Variants in GPHN observed in about 807,000 individuals in gnomAD.
GPHN encodes the protein gephyrin.
Under a neutral mutation model 95.5 loss-of-function variants are expected in GPHN, and 17 were observed. The observed-to-expected ratio is 0.18, with a 90% confidence interval of 0.12 to 0.27. The LOEUF is 0.27. GPHN is among the 10% of genes least tolerant of loss of function. GPHN has a pLI of 1.00. For missense variants in GPHN, 660 were observed against 978.1 expected (o/e 0.67, Z 4.34); for synonymous variants, 320 against 322.5 (o/e 0.99, Z 0.08).
At chr14:66,546,642 C>T (rs934089908) in intron 1 of GPHN, among the ~76,000 whole-genome samples, 6 of 152,076 alleles carry the variant, frequency 3.9e-5, no homozygotes, top group South Asian at 2.1e-4. Context: ...CGTGGCGGCG[C>T]GTGCCTGCAA....
At chr14:67,373,932 A>T in the GPHN span, among the ~76,000 whole-genome samples, 2 of 151,822 alleles carry the variant, frequency 1.3e-5, no homozygotes, top group Non-Finnish European at 2.9e-5. Context: ...GAATTTTCCT[A>T]TTCTGGAGAA....
At chr14:67,363,687 A>G in the GPHN span, among the ~76,000 whole-genome samples, 13 of 152,160 alleles carry the variant, frequency 8.5e-5, no homozygotes, top group Non-Finnish European at 4.4e-5. Flanking sequence ...GAGATAGGCA[A>G]TGGCCAGATC....
chr14:67,558,627 A>G, the GPHN span, among the ~76,000 whole-genome samples: 1 of 152,226 alleles, frequency 6.6e-6, no homozygotes, highest in Non-Finnish European at 1.5e-5. Context: ...CAGTAGGTCA[A>G]TCTCATAAAA....
At chr14:66,522,099 C>T (rs2058507552) in intron 1 of GPHN, among the ~76,000 whole-genome samples, 1 of 152,002 alleles carries the variant, frequency 6.6e-6, no homozygotes, top group Non-Finnish European at 1.5e-5. Context: ...AAACCTAGGC[C>T]CCTGTGATGT....
intron 2 of GPHN, among the ~76,000 whole-genome samples, chr14:66,703,653 G>A (rs976507878): frequency 5.4e-5 from 5 of 93,190 alleles, no homozygotes; most frequent in African/African-American, 9.3e-5. Context: ...AATACGGAAA[G>A]GAAAAACCGG....
At chr14:66,954,838 A>T in intron 8 of GPHN, among the ~76,000 whole-genome samples, 1 of 152,304 alleles carries the variant, frequency 6.6e-6, no homozygotes, top group East Asian at 1.9e-4. Context: ...ATTGCATCAA[A>T]TGTTTGTTCT....
chr14:67,384,605 C>G, the GPHN span: 1 of 152,082 alleles, frequency 6.6e-6, no homozygotes, highest in African/African-American at 2.4e-5. Flanking sequence ...TAGATTAGAC[C>G]TAACCCACCA....
At chr14:66,771,469 A>G (rs971978880) in intron 2 of GPHN, among the ~76,000 whole-genome samples, 25 of 152,224 alleles carry the variant, frequency 1.6e-4, no homozygotes, top group African/African-American at 6.0e-4. Context: ...CAGTTACCGC[A>G]CTGGCACAAG....
At chr14:67,469,607 C>G in the GPHN span, among the ~76,000 whole-genome samples, 1 of 151,920 alleles carries the variant, frequency 6.6e-6, no homozygotes, top group Non-Finnish European at 1.5e-5. Flanking sequence ...CTTCTGAACC[C>G]TCCATCCTCT....
At chr14:66,803,603 A>C (rs932680321) in intron 3 of GPHN, among the ~76,000 whole-genome samples, 5 of 151,944 alleles carry the variant, frequency 3.3e-5, no homozygotes, top group Admixed American at 1.3e-4. Flanking sequence ...ACTTCTTCCT[A>C]TTCTATCTTC....
intron 9 of GPHN, among the ~76,000 whole-genome samples, chr14:67,020,366 T>C (rs1222761656): frequency 6.6e-6 from 1 of 152,184 alleles, no homozygotes; most frequent in Non-Finnish European, 1.5e-5. Flanking sequence ...GCTATTCTTG[T>C]TATGACCTAA....
chr14:67,160,054 C>T (rs927306122), intron 19 of GPHN, among the ~76,000 whole-genome samples: 7 of 151,986 alleles, frequency 4.6e-5, no homozygotes, highest in Non-Finnish European at 8.8e-5. Flanking sequence ...CAAATTTCTC[C>T]CATATATCAA....
At chr14:67,591,938 C>T in the GPHN span, 1 of 150,476 alleles carries the variant, frequency 6.6e-6, no homozygotes, top group Admixed American at 6.6e-5. Flanking sequence ...ATATATTATA[C>T]AATTATTTAA....
At chr14:67,727,009 G>A in the GPHN span, 1 of 1,613,132 alleles carries the variant, frequency 6.2e-7, no homozygotes, top group Non-Finnish European at 8.5e-7. Context: ...ACCTGCTCCT[G>A]GAGCGGCTAA....
At chr14:67,602,513 G>T in the GPHN span, among the ~76,000 whole-genome samples, 1 of 152,062 alleles carries the variant, frequency 6.6e-6, no homozygotes, top group Non-Finnish European at 1.5e-5. Flanking sequence ...ATACAGAAAA[G>T]AAAAAAATGT....
At chr14:67,466,433 G>A in the GPHN span, among the ~76,000 whole-genome samples, 1 of 152,240 alleles carries the variant, frequency 6.6e-6, no homozygotes, top group Non-Finnish European at 1.5e-5. Context: ...TTGGAAAGAG[G>A]GAGGAGGACA....
the GPHN span, among the ~76,000 whole-genome samples, chr14:67,712,216 G>A: frequency 7.2e-5 from 11 of 151,770 alleles, no homozygotes; most frequent in East Asian, 1.9e-4. Flanking sequence ...CACCACACCC[G>A]GCCTGGGACT....
chr14:67,221,909 G>C, the GPHN span: 5 of 1,445,598 alleles, frequency 3.5e-6, no homozygotes, highest in Non-Finnish European at 4.7e-6. Flanking sequence ...AAGGAATTCA[G>C]CTAGACTTTT....
At chr14:67,400,109 A>G in the GPHN span, among the ~76,000 whole-genome samples, 24 of 152,230 alleles carry the variant, frequency 1.6e-4, no homozygotes, top group Non-Finnish European at 1.5e-4. Flanking sequence ...TAGAGAGCCA[A>G]AAGTTGTAGA....
Sources: allele counts gnomAD v4.1 joint callset (sites outside exome capture counted in the v4.1 genomes callset), GRCh38; gene constraint gnomAD v4.1.1; transcripts MANE v1.5; gene names NCBI Gene and HGNC (gene_info 2026-07-23, HGNC 2026-07-21).